Variants in GUCY1B1 observed in about 807,000 individuals in gnomAD.
GUCY1B1 encodes the protein guanylate cyclase soluble subunit beta-1.
In GUCY1B1, 43 loss-of-function variants were observed where a neutral mutation model predicts 71.0. That is an observed-to-expected ratio of 0.61 (90% CI 0.47 to 0.78). GUCY1B1 has a LOEUF of 0.78. Ranked by LOEUF, GUCY1B1 falls within the 30% of genes least tolerant of loss-of-function variation. The pLI, the probability that GUCY1B1 is intolerant of heterozygous loss-of-function variation, is 0.00. For synonymous variants in GUCY1B1, 266 were observed against 259.7 expected (o/e 1.02, Z -0.23); for missense variants, 535 against 754.1 (o/e 0.71, Z 3.40).
At chr4:155,771,038 C>T (rs1238451485) in intron 2 of GUCY1B1, among the ~76,000 whole-genome samples, 2 of 151,972 alleles carry the variant, frequency 1.3e-5, no homozygotes, top group Non-Finnish European at 2.9e-5. Flanking sequence ...ATTAAAAGTG[C>T]TTAGAAAAGT....
At chr4:155,766,072 T>C (rs1737314626) in intron 2 of GUCY1B1, among the ~76,000 whole-genome samples, 1 of 152,160 alleles carries the variant, frequency 6.6e-6, no homozygotes, top group South Asian at 2.1e-4. Flanking sequence ...CCTCTCTCTA[T>C]GTATTCAATA....
chr4:155,799,850 A>G (rs1739821657), intron 8 of GUCY1B1, 27 bp from the exon 9 acceptor site: 11 of 1,444,722 alleles, frequency 7.6e-6, no homozygotes, highest in Middle Eastern at 2.0e-4. Context: ...GTTGAGACTG[A>G]TCTTGCCTCA....
intron 11 of GUCY1B1, 85 bp from the exon 12 acceptor site, chr4:155,804,508 A>G (rs1039472731): frequency 8.6e-5 from 89 of 1,033,050 alleles, no homozygotes; most frequent in Non-Finnish European, 1.1e-4. Flanking sequence ...CTGCACCTGT[A>G]TGCCAGAACT....
chr4:155,784,743 T>C (rs1025194474), intron 4 of GUCY1B1, among the ~76,000 whole-genome samples: 1 of 152,170 alleles, frequency 6.6e-6, no homozygotes, highest in Non-Finnish European at 1.5e-5. Context: ...CAAGGCAAGG[T>C]CTTACCCATT....
At chr4:155,791,849 A>G (rs1172908154) in intron 5 of GUCY1B1, among the ~76,000 whole-genome samples, 1 of 151,684 alleles carries the variant, frequency 6.6e-6, no homozygotes, top group African/African-American at 2.4e-5. Flanking sequence ...TTTTATTTTT[A>G]TTTAACCAGA....
chr4:155,806,008 G>A (rs1490689588), intron 13 of GUCY1B1, among the ~76,000 whole-genome samples: 3 of 152,150 alleles, frequency 2.0e-5, no homozygotes, highest in Admixed American at 6.6e-5. Flanking sequence ...TGGGGGATAA[G>A]ACTGCATGCT....
At chr4:155,759,682 A>C (rs1005800208) in intron 1 of GUCY1B1, 105 bp from the exon 2 acceptor site, 38 of 751,304 alleles carry the variant, frequency 5.1e-5, no homozygotes, top group Non-Finnish European at 8.2e-5. Flanking sequence ...GGGCGGGGTG[A>C]AAGGTTAAGC....
chr4:155,791,525 T>G (rs1001878356), intron 5 of GUCY1B1, among the ~76,000 whole-genome samples: 10 of 147,944 alleles, frequency 6.8e-5, no homozygotes, highest in Non-Finnish European at 1.3e-4. Flanking sequence ...GGTCAGGAGA[T>G]TGAGACCATC....
intron 2 of GUCY1B1, among the ~76,000 whole-genome samples, chr4:155,769,378 C>T (rs1036291443): frequency 6.6e-6 from 1 of 152,028 alleles, no homozygotes; most frequent in Non-Finnish European, 1.5e-5. Flanking sequence ...AATGAAAGTG[C>T]TTTTAAACTT....
intron 4 of GUCY1B1, among the ~76,000 whole-genome samples, chr4:155,788,075 C>T (rs1013002974): frequency 6.6e-6 from 1 of 152,102 alleles, no homozygotes; most frequent in African/African-American, 2.4e-5. Context: ...AACAAATGAC[C>T]ACAAACTTAA....
At chr4:155,785,457 A>C (rs1157955579) in intron 4 of GUCY1B1, 2 of 538,716 alleles carry the variant, frequency 3.7e-6, no homozygotes, top group South Asian at 2.8e-5. Flanking sequence ...ATAACACAGA[A>C]TATCAGTTTT....
At chr4:155,789,673 G>A (rs767021968) in intron 4 of GUCY1B1, 41 bp from the exon 5 acceptor site, 30 of 1,203,120 alleles carry the variant, frequency 2.5e-5, no homozygotes, top group Admixed American at 4.3e-5. Flanking sequence ...CTGTCATTGC[G>A]AAAGCATTGT....
chr4:155,781,776 C>T (rs1284676421), intron 4 of GUCY1B1, among the ~76,000 whole-genome samples: 1 of 151,858 alleles, frequency 6.6e-6, no homozygotes, highest in Admixed American at 6.6e-5. Context: ...TTTCTTAAAT[C>T]ACCAGTGAAA....
At chr4:155,761,228 T>C (rs1182238268) in intron 2 of GUCY1B1, among the ~76,000 whole-genome samples, 1 of 152,226 alleles carries the variant, frequency 6.6e-6, no homozygotes, top group Non-Finnish European at 1.5e-5. Flanking sequence ...AATACCATTA[T>C]AATTTTTATT....
At chr4:155,781,532 A>G (rs1738413501) in intron 4 of GUCY1B1, among the ~76,000 whole-genome samples, 1 of 152,284 alleles carries the variant, frequency 6.6e-6, no homozygotes, top group Admixed American at 6.5e-5. Context: ...AGACTTTAAC[A>G]AAAAAATAGC....
At chr4:155,767,741 G>A (rs1035619792) in intron 2 of GUCY1B1, among the ~76,000 whole-genome samples, 8 of 152,202 alleles carry the variant, frequency 5.3e-5, no homozygotes, top group Non-Finnish European at 8.8e-5. Context: ...TCTCTCCTTT[G>A]GGGTTCAGGC....
Position 155,793,846 on chromosome 4 carries a change from TG to T in GUCY1B1, c.496-9del. On this transcript the variant is annotated splice_polypyrimidine_tract_variant and intron_variant, in intron 5 of 13. Coordinates refer to ENST00000264424, the MANE Select transcript of GUCY1B1 (RefSeq NM_000857.5). Reference sequence around the variant, plus strand: ...AGACAATTCATGCCATTTCCCCCTTTGATATCCAGGTTATTCAGCAAAGAAA... The same window carrying T: ...AGACAATTCATGCCATTTCCCCCTTTATATCCAGGTTATTCAGCAAAGAAA... 3 of 1,189,290 alleles carry T rather than the reference TG, an allele frequency of 2.5e-6. No individual in the cohort carries two copies. The highest frequency in any genetic ancestry group is 3.8e-6 in the Non-Finnish European group (3 of 794,558). 73.7% of individuals were successfully genotyped at this position (1,189,290 alleles called of 1,614,324 possible).
In GUCY1B1 at chr4:155,774,352, T is replaced by A. The variant is rs143184053; in HGVS notation, c.78-616T>A. ...TCTTCCCTCTGCCCAGAACACAATC[T>A]CTCTAAATTGCTCGTGGCTTACTCT... On this transcript the variant is annotated intron_variant, in intron 2 of 13. Coordinates refer to ENST00000264424, the MANE Select transcript of GUCY1B1 (RefSeq NM_000857.5). 8.0e-3 allele frequency among the ~76,000 whole-genome samples: 1,220 copies of A among 152,148 alleles called. 14 individuals are homozygous for A. Among genetic ancestry groups the A allele is most frequent in the Middle Eastern group, 0.024 (7 of 294 alleles).
chr4:155,791,065 A>T (rs1397834302), intron 5 of GUCY1B1, among the ~76,000 whole-genome samples: 2 of 152,038 alleles, frequency 1.3e-5, no homozygotes, highest in Non-Finnish European at 2.9e-5. Context: ...TTCATCCATG[A>T]TTGGGAATCT....
Sources: allele counts gnomAD v4.1 joint callset (sites outside exome capture counted in the v4.1 genomes callset), GRCh38; gene constraint gnomAD v4.1.1; transcripts MANE v1.5; gene names NCBI Gene and HGNC (gene_info 2026-07-23, HGNC 2026-07-21).